CPPED1: variants seen among roughly 807,000 people sequenced by gnomAD.
The protein encoded by CPPED1 is calcineurin like phosphoesterase domain containing 1.
A neutral mutation model predicts 28.0 loss-of-function variants in CPPED1; 28 were observed. The ratio of observed to expected loss-of-function variants is 1.00; its 90% confidence interval spans 0.74 to 1.37. The LOEUF is 1.37. Ranked by LOEUF, CPPED1 falls within the 40% of genes most tolerant of loss-of-function variation. The probability of loss-of-function intolerance (pLI) is 0.00; values close to 1 mark genes in which losing one functional copy is unlikely to be tolerated. For missense variants in CPPED1, 504 were observed against 416.5 expected (o/e 1.21, Z -1.83); for synonymous variants, 198 against 180.2 (o/e 1.10, Z -0.79).
intron 2 of CPPED1, among the ~76,000 whole-genome samples, chr16:12,724,130 G>A (rs1354455407): frequency 6.6e-6 from 1 of 152,088 alleles, no homozygotes; most frequent in East Asian, 1.9e-4. Flanking sequence ...TCCAGGTCAG[G>A]AATGACAAGG....
intron 3 of CPPED1, among the ~76,000 whole-genome samples, chr16:12,693,392 C>A (rs2079973626): frequency 1.3e-5 from 2 of 152,162 alleles, no homozygotes; most frequent in Admixed American, 1.3e-4. Context: ...AGACAGGTTT[C>A]ACCATGTTGC....
At chr16:12,771,542 G>C (rs1339825426) in intron 2 of CPPED1, among the ~76,000 whole-genome samples, 1 of 152,236 alleles carries the variant, frequency 6.6e-6, no homozygotes, top group African/African-American at 2.4e-5. Flanking sequence ...ACTAGCAGAG[G>C]TTGGAGCAAT....
At chr16:12,713,118 G>A (rs575649699) in intron 2 of CPPED1, among the ~76,000 whole-genome samples, 16 of 151,776 alleles carry the variant, frequency 1.1e-4, no homozygotes, top group East Asian at 9.7e-4. Context: ...AAAAAAAATC[G>A]CAGTGGGTAA....
chr16:12,697,886 C>G (rs1051782895), intron 3 of CPPED1, among the ~76,000 whole-genome samples: 7 of 152,026 alleles, frequency 4.6e-5, no homozygotes, highest in African/African-American at 1.7e-4. Context: ...CCAAGGTGAG[C>G]GGATCACTTG....
intron 2 of CPPED1, among the ~76,000 whole-genome samples, chr16:12,728,020 G>C (rs1256212451): frequency 1.3e-5 from 2 of 152,202 alleles, no homozygotes; most frequent in African/African-American, 2.4e-5. Context: ...TCACAATGCA[G>C]ATGAATACAC....
chr16:12,672,267 C>CA (rs1311251636), intron 3 of CPPED1, among the ~76,000 whole-genome samples: 1 of 152,046 alleles, frequency 6.6e-6, no homozygotes, highest in Admixed American at 6.5e-5. Flanking sequence ...TCCCTTGGCC[C>CA]AAAAAAACCA....
chr16:12,781,054 A>T (rs2080527383), intron 2 of CPPED1, 131 bp downstream of exon 2: 1 of 703,542 alleles, frequency 1.4e-6, no homozygotes, highest in South Asian at 1.8e-5. Context: ...ATACTGCAAC[A>T]ATCATGAAGC....
At position 12,781,338 on chromosome 16, in the gene CPPED1, T is replaced by A. The variant is rs1438081549; in HGVS notation, c.136A>T (p.Ile46Phe). The A allele has an allele frequency of 6.8e-6, 11 of 1,614,146 alleles. No homozygotes were observed. Among genetic ancestry groups the A allele is most frequent in the Non-Finnish European group, 9.3e-6 (11 of 1,180,030 alleles). ...ILGADPQFGL[I>F]KAWSTGDCDN... ...CAGTCCCCAGTGGACCAGGCCTTGA[T>A]CAGCCCAAACTGTGGGTCTGCGCCC... The change falls in exon 2 of 4, where the codon ATC becomes TTC. Residue 46 changes from isoleucine to phenylalanine, a missense_variant. Physicochemically the swap from Ile to Phe is conservative, Grantham distance 21. Transcript: ENST00000381774.
At chr16:12,772,384 TG>T (rs1454848203) in intron 2 of CPPED1, among the ~76,000 whole-genome samples, 1 of 152,250 alleles carries the variant, frequency 6.6e-6, no homozygotes, top group Non-Finnish European at 1.5e-5. Flanking sequence ...CGCACTCTAC[TG>T]ATTTGCTTCC....
intron 3 of CPPED1, among the ~76,000 whole-genome samples, chr16:12,683,723 T>A (rs551519931): frequency 2.0e-5 from 3 of 152,244 alleles, no homozygotes; most frequent in African/African-American, 2.4e-5. Context: ...CTCCTCTCCA[T>A]CCTCAGTGTG....
At chr16:12,689,217 C>CTTTTTTTTTTTTTT (rs869107040) in intron 3 of CPPED1, among the ~76,000 whole-genome samples, 1 of 83,594 alleles carries the variant, frequency 1.2e-5, no homozygotes, top group African/African-American at 5.0e-5. Flanking sequence ...GAAAAGAGGG[C>CTTTTTTTTTTTTTT]TTTTTTTTTT....
In CPPED1 at chr16:12,663,355, C is replaced by T. The variant is rs1313037906; in HGVS notation, c.*1531G>A. ...GGATTACAGGCGTAAGCCACTGTGC[C>T]TGGCCCAATGTGTGGTTGTTATTAG... is the stretch of plus-strand genomic sequence containing the variant. On this transcript the variant is annotated 3_prime_UTR_variant, in exon 4 of 4. Transcript: ENST00000381774. The T allele has an allele frequency of 1.3e-5, 2 of 152,422 alleles. No homozygotes were observed. Among genetic ancestry groups the T allele is most frequent in the Non-Finnish European group, 2.9e-5 (2 of 68,112 alleles). 9.4% of individuals were successfully genotyped at this position (152,422 alleles called of 1,614,324 possible).
chr16:12,711,583 G>A (rs964911630), intron 2 of CPPED1, among the ~76,000 whole-genome samples: 2 of 152,158 alleles, frequency 1.3e-5, no homozygotes, highest in African/African-American at 4.8e-5. Flanking sequence ...CTGTTGAGAG[G>A]GCAGCTGGGT....
At chr16:12,763,856 T>C (rs2080423757) in intron 2 of CPPED1, among the ~76,000 whole-genome samples, 1 of 152,176 alleles carries the variant, frequency 6.6e-6, no homozygotes, top group Admixed American at 6.5e-5. Flanking sequence ...GCCAAAGTAA[T>C]TGCAGTTTCT....
chr16:12,700,843 A>G (rs971888836), intron 3 of CPPED1, among the ~76,000 whole-genome samples: 1 of 152,158 alleles, frequency 6.6e-6, no homozygotes, highest in African/African-American at 2.4e-5. Flanking sequence ...ACAAGTCAAC[A>G]CTTGCAAATC....
intron 2 of CPPED1, among the ~76,000 whole-genome samples, chr16:12,761,525 T>C (rs984069176): frequency 6.6e-6 from 1 of 152,156 alleles, no homozygotes; most frequent in Non-Finnish European, 1.5e-5. Flanking sequence ...AGTAACAAGC[T>C]CTTCTCAATT....
intron 2 of CPPED1, among the ~76,000 whole-genome samples, chr16:12,746,591 C>T (rs192149118): frequency 8.6e-5 from 13 of 151,970 alleles, no homozygotes; most frequent in Admixed American, 7.2e-4. Context: ...CCAGAAATGG[C>T]AACTATGTGG....
chr16:12,682,000 G>A (rs1180243609), intron 3 of CPPED1, among the ~76,000 whole-genome samples: 1 of 151,980 alleles, frequency 6.6e-6, no homozygotes, highest in African/African-American at 2.4e-5. Flanking sequence ...TGGACTCGAG[G>A]ATTAGTTATG....
At chr16:12,775,679 C>G (rs537569562) in intron 2 of CPPED1, among the ~76,000 whole-genome samples, 2 of 152,218 alleles carry the variant, frequency 1.3e-5, no homozygotes, top group Admixed American at 1.3e-4. Context: ...ACAGCTCCAT[C>G]TGCTGCTCTG....
Sources: allele counts gnomAD v4.1 joint callset (sites outside exome capture counted in the v4.1 genomes callset), GRCh38; gene constraint gnomAD v4.1.1; transcripts MANE v1.5; gene names NCBI Gene and HGNC (gene_info 2026-07-23, HGNC 2026-07-21).